DMD: variants seen among roughly 807,000 people sequenced by gnomAD.
DMD encodes mutant dystrophin.
In DMD, 63 loss-of-function variants were observed where a neutral mutation model predicts 330.1. The ratio of observed to expected loss-of-function variants is 0.19; its 90% CI spans 0.16 to 0.24. DMD has a LOEUF of 0.24. Ranked by LOEUF, DMD falls within the 10% of genes least tolerant of loss-of-function variation. The pLI, the probability that DMD is intolerant of heterozygous loss-of-function variation, is 1.00. For missense variants in DMD, 3,344 were observed against 2,684.1 expected, an observed-to-expected ratio of 1.25 and a Z score of -5.43; for synonymous variants, 1,223 against 959.8, an observed-to-expected ratio of 1.27 and a Z score of -5.07.
At chrX:32,780,577 G>T (rs1457585637) in intron 7 of DMD, among the ~76,000 whole-genome samples, 1 of 111,609 alleles carries the variant, frequency 9.0e-6, no homozygotes, top group African/African-American at 3.3e-5. Context: ...AGACAACAAA[G>T]TAGCCAGTAA....
At chrX:31,270,368 A>G (rs1296059613) in intron 62 of DMD, among the ~76,000 whole-genome samples, 2 of 111,165 alleles carry the variant, frequency 1.8e-5, no homozygotes, top group Admixed American at 1.9e-4. Context: ...GGGACTACTG[A>G]TAGAGGAGAA....
chrX:31,626,891 T>A (rs1177202648), intron 55 of DMD, among the ~76,000 whole-genome samples: 1 of 111,807 alleles, frequency 8.9e-6, no homozygotes, highest in Non-Finnish European at 1.9e-5. Context: ...ATATCCAAAT[T>A]GTATTTGAGA....
chrX:32,851,290 C>A (rs2149026631), intron 2 of DMD, among the ~76,000 whole-genome samples: 1 of 111,560 alleles, frequency 9.0e-6, no homozygotes, highest in African/African-American at 3.2e-5. Context: ...CTGCGGCAAC[C>A]AACCAGTCCC....
intron 1 of DMD, among the ~76,000 whole-genome samples, chrX:33,050,099 CA>C (rs774856151): frequency 9.1e-6 from 1 of 109,526 alleles, no homozygotes; most frequent in Non-Finnish European, 1.9e-5. Flanking sequence ...GAAACCATTC[CA>C]AAAAAAACTG....
At chrX:31,393,641 C>T (rs775281849) in intron 60 of DMD, among the ~76,000 whole-genome samples, 3 of 111,161 alleles carry the variant, frequency 2.7e-5, no homozygotes, top group Non-Finnish European at 5.7e-5. Flanking sequence ...ACACCAGGTG[C>T]TCCACTTTGC....
intron 29 of DMD, among the ~76,000 whole-genome samples, chrX:32,437,859 G>T: frequency 8.9e-6 from 1 of 112,135 alleles, no homozygotes; most frequent in Non-Finnish European, 1.9e-5. Context: ...GGTACTAACA[G>T]AATTGCATGT....
intron 76 of DMD, among the ~76,000 whole-genome samples, chrX:31,143,927 A>G (rs2036383445): frequency 8.9e-6 from 1 of 112,292 alleles, no homozygotes; most frequent in Non-Finnish European, 1.9e-5. Context: ...GACTTTGCAA[A>G]TGCATACAGT....
At chrX:31,613,290 G>A (rs2078024472) in intron 55 of DMD, among the ~76,000 whole-genome samples, 1 of 111,949 alleles carries the variant, frequency 8.9e-6, no homozygotes, top group African/African-American at 3.2e-5. Context: ...CAGGCCTTGA[G>A]AAGCTTGCAG....
chrX:32,000,428 C>T (rs988144548), intron 44 of DMD, among the ~76,000 whole-genome samples: 5 of 111,422 alleles, frequency 4.5e-5, no homozygotes, highest in Non-Finnish European at 9.5e-5. Context: ...TTATTAGGTC[C>T]CATCGAAAAT....
At chrX:32,844,372 C>T (rs1179169722) in intron 4 of DMD, among the ~76,000 whole-genome samples, 1 of 103,472 alleles carries the variant, frequency 9.7e-6, no homozygotes, top group Non-Finnish European at 2.0e-5. Flanking sequence ...CGCCACTGCA[C>T]TCCAGCCTGG....
At chrX:32,300,218 G>T (rs1450990208) in intron 42 of DMD, among the ~76,000 whole-genome samples, 2 of 111,483 alleles carry the variant, frequency 1.8e-5, no homozygotes, top group Non-Finnish European at 3.8e-5. Context: ...TCTAAGATTT[G>T]TTACTCTGTT....
intron 43 of DMD, among the ~76,000 whole-genome samples, chrX:32,262,963 G>A (rs1023906466): frequency 9.0e-6 from 1 of 111,333 alleles, no homozygotes; most frequent in African/African-American, 3.3e-5. Flanking sequence ...CCTCAATCCT[G>A]CTGCCTTTAC....
intron 6 of DMD, among the ~76,000 whole-genome samples, chrX:32,810,847 G>A (rs189292867): frequency 1.8e-5 from 2 of 111,408 alleles, no homozygotes; most frequent in East Asian, 5.7e-4. Context: ...CAGGGTCCAG[G>A]TCCCTATTAA....
chrX:32,758,914 A>G (rs1050168637), intron 7 of DMD, among the ~76,000 whole-genome samples: 1 of 111,993 alleles, frequency 8.9e-6, no homozygotes, highest in Non-Finnish European at 1.9e-5. Flanking sequence ...AAAAAAATAA[A>G]AAAGATAAAA....
chrX:32,262,989 T>A (rs935711373), intron 43 of DMD, among the ~76,000 whole-genome samples: 7 of 111,969 alleles, frequency 6.3e-5, no homozygotes, highest in Non-Finnish European at 7.5e-5. Context: ...CCCAGGCATT[T>A]TTCTTAAAAG....
At chrX:31,795,284 G>C (rs2091773941) in intron 50 of DMD, among the ~76,000 whole-genome samples, 1 of 112,124 alleles carries the variant, frequency 8.9e-6, no homozygotes. Flanking sequence ...ATCATCTTTA[G>C]TACAATAGTA....
At chrX:32,592,898 T>A (rs1358239674) in intron 13 of DMD, among the ~76,000 whole-genome samples, 1 of 112,719 alleles carries the variant, frequency 8.9e-6, no homozygotes. Flanking sequence ...CTACTTGTGG[T>A]ACATCTGGTC....
At chrX:32,254,335 C>T (rs1056766496) in intron 43 of DMD, among the ~76,000 whole-genome samples, 1 of 112,386 alleles carries the variant, frequency 8.9e-6, no homozygotes, top group Admixed American at 9.4e-5. Context: ...AGCCACCACA[C>T]CTGGCCTATT....
intron 44 of DMD, among the ~76,000 whole-genome samples, chrX:32,160,792 T>C (rs180828190): frequency 5.5e-4 from 62 of 111,736 alleles, no homozygotes; most frequent in African/African-American, 1.9e-3. Context: ...GTACAAGTTA[T>C]AGTACAAGAT....
Sources: allele counts gnomAD v4.1 joint callset (sites outside exome capture counted in the v4.1 genomes callset), GRCh38; gene constraint gnomAD v4.1.1; transcripts MANE v1.5; gene names NCBI Gene and HGNC (gene_info 2026-07-23, HGNC 2026-07-21).